AS3MT: variants seen among roughly 807,000 people sequenced by gnomAD.
AS3MT encodes arsenite methyltransferase.
Under a neutral mutation model 45.3 loss-of-function variants are expected in AS3MT, and 47 were observed. The ratio of observed to expected loss-of-function variants is 1.04; its 90% confidence interval spans 0.82 to 1.32. The LOEUF (loss-of-function observed/expected upper bound fraction) is 1.32, where lower values mean the gene tolerates loss of function less well. Ranked by LOEUF, AS3MT falls within the 40% of genes most tolerant of loss-of-function variation. The pLI is 0.00. For missense variants in AS3MT, 396 were observed against 451.1 expected (o/e 0.88, Z 1.11); for synonymous variants, 141 against 152.8 (o/e 0.92, Z 0.57).
chr10:102,880,024 T>C (rs1312791461), intron 9 of AS3MT, among the ~76,000 whole-genome samples: 1 of 152,088 alleles, frequency 6.6e-6, no homozygotes, highest in Non-Finnish European at 1.5e-5. Flanking sequence ...CACAATACCA[T>C]TACACACCTA....
rs748274898 is a variant in AS3MT at position 102,870,035 on chromosome 10, A to C, written c.43-49A>C. The C allele has an allele frequency of 1.1e-5, 15 of 1,371,362 alleles. No individual in the cohort carries two copies. The South Asian group carries it at 1.9e-4, about 18-fold the overall frequency. The allele number at this position is 1,371,362 out of a possible 1,614,324, so 84.9% of individuals were successfully genotyped here. A position where few individuals can be genotyped will look rare whatever the true frequency, so the allele number is the denominator to read the frequency against. ...GACGGAGCCCTCGCGCTGCAGTCAC[A>C]GCTCTTCTCCCTCTCTACCCCTCAC... is the stretch of plus-strand genomic sequence containing the variant. On this transcript the variant is annotated intron_variant, in intron 2 of 10. Coordinates refer to ENST00000369880, the MANE Select transcript of AS3MT (RefSeq NM_020682.4).
rs546023222 is a variant in AS3MT at position 102,900,409 on chromosome 10, T to G, written c.1021-184T>G. On this transcript the variant is annotated intron_variant, in intron 10 of 10. Coordinates refer to ENST00000369880, the MANE Select transcript of AS3MT (RefSeq NM_020682.4). ...TGAAGTTTACCTTGAAAGTTGTAAT[T>G]AGAAGCTTCAGGAAGCAAGTGCCTT... Among the ~76,000 whole-genome samples the G allele has an allele frequency of 6.4e-4, 98 of 152,312 alleles. 1 individual carries two copies. The highest frequency in any genetic ancestry group is 1.9e-3 in the South Asian group (9 of 4,832).
At chr10:102,885,272 A>G (rs990357432) in intron 9 of AS3MT, among the ~76,000 whole-genome samples, 5 of 152,076 alleles carry the variant, frequency 3.3e-5, no homozygotes, top group South Asian at 4.2e-4. Flanking sequence ...TCTTAACATA[A>G]TGACCTGCAG....
intron 7 of AS3MT, 25 bp downstream of exon 7, chr10:102,877,060 A>G: frequency 1.9e-6 from 3 of 1,597,778 alleles, no homozygotes; most frequent in East Asian, 2.2e-5. Flanking sequence ...TTAGTTTAGT[A>G]TTAAGGCAGA....
At chr10:102,872,073 C>A (rs576635679) in intron 3 of AS3MT, among the ~76,000 whole-genome samples, 38 of 152,042 alleles carry the variant, frequency 2.5e-4, no homozygotes, top group African/African-American at 9.2e-4. Context: ...TTAGTAGAGA[C>A]AGGGTTTCAC....
At chr10:102,874,984 A>G (rs1590219593) in intron 6 of AS3MT, among the ~76,000 whole-genome samples, 1 of 152,298 alleles carries the variant, frequency 6.6e-6, no homozygotes, top group Non-Finnish European at 1.5e-5. Context: ...TGCACTGACT[A>G]CTAATGATTG....
chr10:102,895,558 G>A (rs10883796), intron 10 of AS3MT, among the ~76,000 whole-genome samples: 45,710 of 151,920 alleles, frequency 0.3, 7,132 homozygotes, highest in East Asian at 0.48. Flanking sequence ...CCCCCAAAAC[G>A]TAAACTAATA....
At chr10:102,889,937 A>G (rs1418364454) in intron 9 of AS3MT, among the ~76,000 whole-genome samples, 5 of 151,118 alleles carry the variant, frequency 3.3e-5, no homozygotes, top group African/African-American at 1.2e-4. Context: ...CAGCCTCCCA[A>G]AGTGCTGGGA....
intron 9 of AS3MT, among the ~76,000 whole-genome samples, chr10:102,883,809 A>G (rs1844904601): frequency 6.6e-6 from 1 of 151,978 alleles, no homozygotes; most frequent in South Asian, 2.1e-4. Context: ...TAAAAATTGT[A>G]TATATATTTA....
At chr10:102,877,150 GC>G in intron 7 of AS3MT, 115 bp downstream of exon 7, 2 of 943,624 alleles carry the variant, frequency 2.1e-6, no homozygotes, top group Non-Finnish European at 3.3e-6. Flanking sequence ...AGGCCATGAG[GC>G]CAAGGTTCCA....
At chr10:102,890,512 C>T in intron 9 of AS3MT, 32 bp from the exon 10 acceptor site, 4 of 1,545,258 alleles carry the variant, frequency 2.6e-6, no homozygotes, top group Non-Finnish European at 2.6e-6. Flanking sequence ...AAAGTTGCAA[C>T]TCTTAGTATT....
intron 4 of AS3MT, among the ~76,000 whole-genome samples, chr10:102,872,799 G>A (rs1464607394): frequency 1.3e-5 from 2 of 152,124 alleles, no homozygotes. Flanking sequence ...CACAAGAGTC[G>A]GAGGTTTGCT....
rs1364734406 is a variant in AS3MT at position 102,870,216 on chromosome 10, A to G, written c.170+5A>G. On this transcript the variant is annotated splice_donor_5th_base_variant and intron_variant, in intron 3 of 10. Coordinates refer to ENST00000369880, the MANE Select transcript of AS3MT (RefSeq NM_020682.4). ...ACACGAAGAAGTAGCCCTAAGGTAG[A>G]GTGCCCTGTGCTGTCCCCAGGAAGA... 1.2e-6 allele frequency: 2 copies of G among 1,614,056 alleles called. No individual in the cohort carries two copies. Among genetic ancestry groups the G allele is most frequent in the Non-Finnish European group, 1.7e-6 (2 of 1,180,030 alleles).
At chr10:102,892,629 G>T (rs181476577) in intron 10 of AS3MT, among the ~76,000 whole-genome samples, 88 of 152,088 alleles carry the variant, frequency 5.8e-4, no homozygotes, top group Non-Finnish European at 1.2e-3. Context: ...AAGCCTCCTA[G>T]GTTTAATACT....
intron 9 of AS3MT, 87 bp downstream of exon 9, chr10:102,879,078 C>T: frequency 7.1e-7 from 1 of 1,402,090 alleles, no homozygotes; most frequent in Non-Finnish European, 9.7e-7. Flanking sequence ...GCATTGCCTC[C>T]CATTTTTCTG....
chr10:102,887,246 A>G (rs1221467245), intron 9 of AS3MT, among the ~76,000 whole-genome samples: 3 of 152,204 alleles, frequency 2.0e-5, no homozygotes, highest in East Asian at 1.9e-4. Flanking sequence ...GGCCTAAGAT[A>G]TAGTCTATGC....
At chr10:102,894,132 A>G (rs984604126) in intron 10 of AS3MT, among the ~76,000 whole-genome samples, 1 of 152,096 alleles carries the variant, frequency 6.6e-6, no homozygotes, top group African/African-American at 2.4e-5. Flanking sequence ...GTAAATCAAA[A>G]ATAAAATTCT....
At chr10:102,882,383 CT>C (rs112156733) in intron 9 of AS3MT, among the ~76,000 whole-genome samples, 24,118 of 144,414 alleles carry the variant, frequency 0.17, 1,962 homozygotes, top group East Asian at 0.28. Context: ...CTCCAGATTT[CT>C]TTTTTTTTTT....
rs1462257328 is a variant in AS3MT at position 102,900,671 on chromosome 10, G to A, written c.1099G>A (p.Gly367Ser). 6.2e-7 allele frequency: 1 copy of A among 1,613,998 alleles called. No individual in the cohort carries two copies. Residue 367 changes from glycine (G) to serine (S), a missense_variant, in exon 11 of 11, where the codon GGC becomes AGC. Transcript: ENST00000369880. ...CAGATGTGTCCCTGATGCTGCTGGA[G>A]GCTGCTGTGGCACAAAGAAAAGCTG... ...KSRCVPDAAGGCCGTKKSC is the reference protein window; with the variant it reads ...KSRCVPDAAGSCCGTKKSC
Sources: gnomAD v4.1 joint callset for allele counts (sites outside exome capture counted in the v4.1 genomes callset) on GRCh38, gnomAD v4.1.1 for gene constraint, MANE v1.5 for transcripts, NCBI Gene and HGNC (gene_info 2026-07-23, HGNC 2026-07-21) for gene names.